Variants in SLC24A2 observed in about 807,000 individuals in gnomAD.
SLC24A2 encodes solute carrier family 24 member 2.
Under a neutral mutation model 62.0 loss-of-function variants are expected in SLC24A2, and 36 were observed. The observed-to-expected ratio is 0.58, with a 90% CI of 0.44 to 0.77. The LOEUF (loss-of-function observed/expected upper bound fraction) is 0.77. Among genes scored for constraint, SLC24A2 ranks in the 30% least tolerant of loss-of-function variants. SLC24A2 has a pLI of 0.00. For synonymous variants in SLC24A2, 358 were observed against 294.0 expected (o/e 1.22, Z -2.23); for missense variants, 846 against 817.9 (o/e 1.03, Z -0.42).
At chr9:19,524,689 T>G (rs995899152) in intron 9 of SLC24A2, among the ~76,000 whole-genome samples, 1 of 152,222 alleles carries the variant, frequency 6.6e-6, no homozygotes, top group African/African-American at 2.4e-5. Flanking sequence ...AAAGAGAAAC[T>G]TCTCTTCCAT....
At chr9:20,198,762 C>T in the SLC24A2 span, among the ~76,000 whole-genome samples, 4 of 151,754 alleles carry the variant, frequency 2.6e-5, no homozygotes, top group African/African-American at 7.2e-5. Flanking sequence ...GCCTGGGTTT[C>T]GGCTGGGTCT....
the SLC24A2 span, among the ~76,000 whole-genome samples, chr9:19,896,823 T>C: frequency 6.6e-6 from 1 of 152,256 alleles, no homozygotes; most frequent in African/African-American, 2.4e-5. Context: ...ATTAATTTTA[T>C]ATCATTGATT....
chr9:19,816,903 A>C, the SLC24A2 span, among the ~76,000 whole-genome samples: 1 of 152,080 alleles, frequency 6.6e-6, no homozygotes, highest in African/African-American at 2.4e-5. Context: ...TCAACATGAA[A>C]TTTGGGTGAG....
chr9:19,623,866 G>A (rs1459652683), intron 2 of SLC24A2, among the ~76,000 whole-genome samples: 3 of 152,130 alleles, frequency 2.0e-5, no homozygotes, highest in African/African-American at 4.8e-5. Flanking sequence ...AGGGTTCTGC[G>A]TTGGTGGTAA....
chr9:19,936,783 A>G, the SLC24A2 span, among the ~76,000 whole-genome samples: 2 of 152,184 alleles, frequency 1.3e-5, no homozygotes, highest in African/African-American at 4.8e-5. Flanking sequence ...GTGTCTAGAG[A>G]TATTATCTCA....
chr9:20,186,883 G>A, the SLC24A2 span, among the ~76,000 whole-genome samples: 1 of 152,158 alleles, frequency 6.6e-6, no homozygotes, highest in East Asian at 1.9e-4. Flanking sequence ...ATCCATGCCT[G>A]TTTCTACAAC....
At chr9:20,146,893 C>A in the SLC24A2 span, among the ~76,000 whole-genome samples, 12 of 152,226 alleles carry the variant, frequency 7.9e-5, no homozygotes, top group East Asian at 2.3e-3. Context: ...CACCTCCACT[C>A]CCACTGCGAC....
At chr9:19,534,553 CG>C (rs1192411315) in intron 8 of SLC24A2, among the ~76,000 whole-genome samples, 1 of 151,802 alleles carries the variant, frequency 6.6e-6, no homozygotes, top group East Asian at 1.9e-4. Flanking sequence ...ATCCCCTCCC[CG>C]GGTCCATGTT....
At chr9:19,562,772 T>C (rs542348325) in intron 7 of SLC24A2, among the ~76,000 whole-genome samples, 6 of 152,316 alleles carry the variant, frequency 3.9e-5, no homozygotes, top group African/African-American at 1.4e-4. Flanking sequence ...ATTTCTTTTT[T>C]AAGGCAGTCA....
At chr9:20,086,779 C>A in the SLC24A2 span, among the ~76,000 whole-genome samples, 2 of 152,178 alleles carry the variant, frequency 1.3e-5, no homozygotes, top group Non-Finnish European at 2.9e-5. Flanking sequence ...AATTATTATG[C>A]TTTTCTTTTT....
At chr9:19,605,636 T>C (rs1157455027) in intron 4 of SLC24A2, among the ~76,000 whole-genome samples, 1 of 152,226 alleles carries the variant, frequency 6.6e-6, no homozygotes, top group Non-Finnish European at 1.5e-5. Context: ...CAAGGTCTTA[T>C]GATTGAACCA....
At chr9:20,282,563 C>G in the SLC24A2 span, among the ~76,000 whole-genome samples, 1 of 152,106 alleles carries the variant, frequency 6.6e-6, no homozygotes, top group Non-Finnish European at 1.5e-5. Flanking sequence ...TCAGGCCTGA[C>G]AGATGCCAGC....
At chr9:19,530,847 C>G (rs1563936723) in intron 8 of SLC24A2, among the ~76,000 whole-genome samples, 1 of 152,136 alleles carries the variant, frequency 6.6e-6, no homozygotes, top group South Asian at 2.1e-4. Context: ...AGTCTGAGAA[C>G]TTACTCTGTA....
intron 7 of SLC24A2, among the ~76,000 whole-genome samples, chr9:19,567,891 A>G (rs1173601529): frequency 1.3e-5 from 2 of 152,164 alleles, no homozygotes; most frequent in African/African-American, 4.8e-5. Flanking sequence ...CTGTGAGAGT[A>G]TTTTAAAAAT....
At chr9:20,096,665 G>A in the SLC24A2 span, among the ~76,000 whole-genome samples, 1 of 152,178 alleles carries the variant, frequency 6.6e-6, no homozygotes, top group Admixed American at 6.5e-5. Context: ...GATTTTACAA[G>A]AAAACATTAT....
At chr9:19,867,600 A>G in the SLC24A2 span, among the ~76,000 whole-genome samples, 1 of 152,040 alleles carries the variant, frequency 6.6e-6, no homozygotes, top group African/African-American at 2.4e-5. Flanking sequence ...GTGTTTGTCA[A>G]TGTTATTAAT....
chr9:20,114,241 C>T, the SLC24A2 span, among the ~76,000 whole-genome samples: 25 of 152,182 alleles, frequency 1.6e-4, no homozygotes, highest in East Asian at 3.9e-3. Context: ...AAAGAACCAC[C>T]GCAAAGGGGA....
the SLC24A2 span, among the ~76,000 whole-genome samples, chr9:19,898,794 G>A: frequency 0.33 from 48,998 of 149,724 alleles, 8,407 homozygotes; most frequent in East Asian, 0.58. Flanking sequence ...ACAATGCTGG[G>A]CACAAAACAG....
At chr9:19,648,800 G>A (rs1818714838) in intron 2 of SLC24A2, among the ~76,000 whole-genome samples, 1 of 152,066 alleles carries the variant, frequency 6.6e-6, no homozygotes, top group South Asian at 2.1e-4. Context: ...GGGTCAATCT[G>A]TATTCAGTTT....
Sources: gnomAD v4.1 joint callset for allele counts (sites outside exome capture counted in the v4.1 genomes callset) on GRCh38, gnomAD v4.1.1 for gene constraint, MANE v1.5 for transcripts, NCBI Gene and HGNC (gene_info 2026-07-23, HGNC 2026-07-21) for gene names.